ACYP2: variants seen among roughly 807,000 people sequenced by gnomAD.
ACYP2 encodes the protein acylphosphatase-2.
Under a neutral mutation model 11.2 loss-of-function variants are expected in ACYP2, and 12 were observed. The ratio of observed to expected loss-of-function variants is 1.08; its 90% CI spans 0.69 to 1.74. ACYP2 has a LOEUF of 1.74. Ranked by LOEUF, ACYP2 falls within the 40% of genes most tolerant of loss-of-function variation. The pLI, the probability that ACYP2 is intolerant of heterozygous loss-of-function variation, is 0.00. For missense variants in ACYP2, 134 were observed against 101.9 expected, an observed-to-expected ratio of 1.31 and a Z score of -1.35; for synonymous variants, 43 against 32.2, an observed-to-expected ratio of 1.33 and a Z score of -1.13.
chr2:54,022,772 C>G (rs1674073647), intron 2 of ACYP2, among the ~76,000 whole-genome samples: 1 of 152,192 alleles, frequency 6.6e-6, no homozygotes, highest in African/African-American at 2.4e-5. Flanking sequence ...GTAGGAGTCT[C>G]AGGCAAGGGG....
At position 54,041,748 on chromosome 2, in the gene ACYP2, A is replaced by C. The variant is rs533069546; in HGVS notation, c.63-9210A>C. 5.9e-5 allele frequency among the ~76,000 whole-genome samples: 9 copies of C among 152,302 alleles called. No homozygotes were observed. In the South Asian group the frequency reaches 1.9e-3, roughly 32 times the overall value. On this transcript the variant is annotated intron_variant, in intron 2 of 6. Transcript: ENST00000607452. Reference sequence around the variant, plus strand: ...TGAGTTTAAGCTGGGTGAGGTATCAAATGAACGCATACATGAAAGAATAAA... The same window carrying C: ...TGAGTTTAAGCTGGGTGAGGTATCACATGAACGCATACATGAAAGAATAAA...
At chr2:54,289,171 C>G (rs1573057221) in intron 6 of ACYP2, among the ~76,000 whole-genome samples, 1 of 152,004 alleles carries the variant, frequency 6.6e-6, no homozygotes, top group East Asian at 1.9e-4. Flanking sequence ...GTCAGACAAC[C>G]TCTTCCATGA....
chr2:54,135,500 A>G (rs947776576), intron 5 of ACYP2, 31 bp downstream of exon 2: 1 of 1,592,556 alleles, frequency 6.3e-7, no homozygotes, highest in African/African-American at 1.4e-5. Flanking sequence ...TTATTTTGCT[A>G]TTTTTTTTCC....
chr2:54,088,780 G>C (rs980679809), intron 4 of ACYP2, among the ~76,000 whole-genome samples: 5 of 152,210 alleles, frequency 3.3e-5, no homozygotes, highest in Admixed American at 3.3e-4. Flanking sequence ...GTCTGCCAGA[G>C]TTTTCATTTC....
intron 6 of ACYP2, among the ~76,000 whole-genome samples, chr2:54,149,991 G>A (rs140306138): frequency 2.6e-5 from 4 of 152,316 alleles, no homozygotes; most frequent in Non-Finnish European, 5.9e-5. Context: ...AGCCATGGGT[G>A]AATTTGCTGA....
chr2:53,996,237 A>G (rs925105216), intron 2 of ACYP2, among the ~76,000 whole-genome samples: 1 of 152,098 alleles, frequency 6.6e-6, no homozygotes, highest in Non-Finnish European at 1.5e-5. Flanking sequence ...CAGCTTTTCT[A>G]TTTAGAGTTG....
intron 6 of ACYP2, among the ~76,000 whole-genome samples, chr2:54,159,120 C>T (rs1007616563): frequency 1.3e-5 from 2 of 151,798 alleles, no homozygotes; most frequent in Non-Finnish European, 2.9e-5. Context: ...GTTGGCCCTT[C>T]GTCTGTGGCA....
chr2:54,280,404 T>C (rs1688796676), intron 6 of ACYP2, among the ~76,000 whole-genome samples: 2 of 152,006 alleles, frequency 1.3e-5, no homozygotes, highest in South Asian at 4.2e-4. Context: ...GCAGATAGGA[T>C]ACAAGCGGGG....
At chr2:54,115,862 G>C (rs1163715837) in intron 4 of ACYP2, 106 bp downstream of exon 1, 4 of 1,344,218 alleles carry the variant, frequency 3.0e-6, no homozygotes, top group East Asian at 3.0e-5. Flanking sequence ...CGTTGTGGCT[G>C]GGACTTCCGC....
chr2:53,977,303 C>G (rs914408011), intron 2 of ACYP2, among the ~76,000 whole-genome samples: 10 of 152,082 alleles, frequency 6.6e-5, no homozygotes, highest in Non-Finnish European at 1.2e-4. Flanking sequence ...CCTCAGCCTC[C>G]CAAAGCGCTG....
chr2:54,157,205 C>CA (rs1485755147), intron 6 of ACYP2, among the ~76,000 whole-genome samples: 2 of 152,032 alleles, frequency 1.3e-5, no homozygotes, highest in African/African-American at 4.8e-5. Flanking sequence ...ATGCATGTAA[C>CA]ATGTATATAT....
rs143287843 is a variant in ACYP2, at chr2:54,260,954, TGACAG to T, written c.405-43731_405-43727del. 7.8e-3 allele frequency among the ~76,000 whole-genome samples: 1,180 copies of T among 152,234 alleles called. 15 individuals are homozygous for T. The highest frequency in any genetic ancestry group is 0.027 in the African/African-American group (1,136 of 41,540). On this transcript the variant is annotated intron_variant, in intron 6 of 6. Coordinates refer to ENST00000607452, the MANE Select transcript of ACYP2 (RefSeq NM_001320586.2). ...TAGGGCAATAGGTGGTCCAAACCAT[TGACAG>T]GAGACTCAAAGCTGGATATGTATTC...
intron 6 of ACYP2, among the ~76,000 whole-genome samples, chr2:54,260,488 G>C (rs941535522): frequency 7.9e-5 from 12 of 152,134 alleles, no homozygotes; most frequent in African/African-American, 2.9e-4. Flanking sequence ...GTTGGATTTA[G>C]ACCTGAAACA....
At chr2:54,143,618 G>C (rs1487561375) in intron 6 of ACYP2, among the ~76,000 whole-genome samples, 1 of 151,774 alleles carries the variant, frequency 6.6e-6, no homozygotes, top group Admixed American at 6.6e-5. Flanking sequence ...ATTTTTAGTA[G>C]AGACAGGGTT....
At chr2:54,255,673 G>A (rs1022215865) in intron 6 of ACYP2, 7 of 1,613,642 alleles carry the variant, frequency 4.3e-6, no homozygotes, top group South Asian at 1.1e-5. Flanking sequence ...ATCCACTGGG[G>A]CTGAGAACAT....
chr2:53,973,855 ATGTGTGTGTGTGTG>A lies in ACYP2; in HGVS notation c.62+79_62+92del, dbSNP rs573137716. ...GGATTTTTGAATGTGGGATATATATATGTGTGTGTGTGTGTGTGTGTGTGTGTGTGTGTGTGTGT... is the reference window on the plus strand; with the variant it reads ...GGATTTTTGAATGTGGGATATATATATGTGTGTGTGTGTGTGTGTGTGTGT... On this transcript the variant is annotated intron_variant, in intron 2 of 6. Transcript: ENST00000607452. 4.8e-3 allele frequency: 591 copies of A among 124,366 alleles called. 49 individuals are homozygous for A. The highest frequency in any genetic ancestry group is 0.011 in the Middle Eastern group (3 of 266). The allele number at this position is 124,366 out of a possible 1,614,324, so 7.7% of individuals were successfully genotyped here. A position where few individuals can be genotyped will look rare whatever the true frequency, so the allele number is the denominator to read the frequency against.
At chr2:54,271,719 T>G (rs1425512894) in intron 6 of ACYP2, among the ~76,000 whole-genome samples, 2 of 152,108 alleles carry the variant, frequency 1.3e-5, no homozygotes, top group East Asian at 3.9e-4. Flanking sequence ...AAGTGGTTTT[T>G]TCTGTGTCCC....
rs541680381 is a variant in ACYP2, at chr2:54,016,265, C to T, written c.63-34693C>T. Among the ~76,000 whole-genome samples the T allele has an allele frequency of 8.6e-5, 13 of 151,904 alleles. No individual in the cohort carries two copies. In the South Asian group the frequency reaches 2.3e-3, roughly 27 times the overall value. On this transcript the variant is annotated intron_variant, in intron 2 of 6. Transcript: ENST00000607452. ...GTAAACATCTGTAGCCCTCCCAGTG[C>T]CATAAAAAAAATATGTAGCCTTGCC...
At chr2:54,039,294 C>CT (rs1192548737) in intron 2 of ACYP2, among the ~76,000 whole-genome samples, 7 of 98,406 alleles carry the variant, frequency 7.1e-5, no homozygotes, top group South Asian at 3.5e-4. Flanking sequence ...TTTCTTTTTC[C>CT]TTTTTTTTGG....
Sources: allele counts gnomAD v4.1 joint callset (sites outside exome capture counted in the v4.1 genomes callset), GRCh38; gene constraint gnomAD v4.1.1; transcripts MANE v1.5; gene names NCBI Gene and HGNC (gene_info 2026-07-23, HGNC 2026-07-21).